The following OPN5 variants were observed in gnomAD, a reference collection of about 807,000 sequenced individuals.
OPN5 encodes opsin 5.
In OPN5, 18 loss-of-function variants were observed where a neutral mutation model predicts 41.7. That is an observed-to-expected ratio of 0.43 (90% confidence interval 0.30 to 0.64). The LOEUF is 0.64. Ranked by LOEUF, OPN5 falls within the 30% of genes least tolerant of loss-of-function variation. OPN5 has a pLI of 0.13. For synonymous variants in OPN5, 178 were observed against 164.3 expected (o/e 1.08, Z -0.64); for missense variants, 318 against 434.5 (o/e 0.73, Z 2.38).
At chr6:47,818,368 A>G (rs1762494434) in intron 6 of OPN5, among the ~76,000 whole-genome samples, 2 of 152,196 alleles carry the variant, frequency 1.3e-5, no homozygotes, top group Non-Finnish European at 2.9e-5. Flanking sequence ...GACTTAAATG[A>G]TTGGAAGTCA....
At chr6:47,807,564 TG>T (rs1774021674) in intron 4 of OPN5, among the ~76,000 whole-genome samples, 1 of 152,208 alleles carries the variant, frequency 6.6e-6, no homozygotes, top group Admixed American at 6.5e-5. Context: ...GAAAAAGTCT[TG>T]TTCCATACAA....
chr6:47,791,672 T>C, intron 2 of OPN5, 130 bp from the exon 3 acceptor site: 2 of 670,210 alleles, frequency 3.0e-6, no homozygotes, highest in East Asian at 2.6e-5. Context: ...AGGAAATCTG[T>C]GTAATCAAGG....
intron 1 of OPN5, among the ~76,000 whole-genome samples, 155 bp downstream of exon 1, chr6:47,782,351 A>C (rs1040439931): frequency 1.1e-4 from 16 of 152,212 alleles, no homozygotes; most frequent in African/African-American, 3.6e-4. Flanking sequence ...TATGGCATTC[A>C]ATAAATGTTT....
intron 6 of OPN5, among the ~76,000 whole-genome samples, chr6:47,813,082 A>G (rs1205127169): frequency 1.0e-5 from 1 of 100,254 alleles, no homozygotes; most frequent in African/African-American, 3.7e-5. Context: ...AACAACAACA[A>G]CAACAACAAC....
intron 4 of OPN5, among the ~76,000 whole-genome samples, chr6:47,799,906 C>T (rs1314499760): frequency 6.6e-6 from 1 of 152,172 alleles, no homozygotes; most frequent in Non-Finnish European, 1.5e-5. Flanking sequence ...TCTTAATGCC[C>T]TGAGTCCTTT....
chr6:47,783,806 C>T (rs572726879), intron 1 of OPN5, among the ~76,000 whole-genome samples: 83 of 152,258 alleles, frequency 5.5e-4, no homozygotes, highest in African/African-American at 2.0e-3. Context: ...TTTCAATTAA[C>T]AGAAAAGGCA....
intron 5 of OPN5, among the ~76,000 whole-genome samples, chr6:47,809,327 C>T (rs143733814): frequency 1.2e-3 from 183 of 152,172 alleles, no homozygotes; most frequent in African/African-American, 4.2e-3. Flanking sequence ...GGACAGTAGA[C>T]AAAAAAGTAG....
intron 6 of OPN5, among the ~76,000 whole-genome samples, chr6:47,815,945 C>G (rs894432338): frequency 6.6e-6 from 1 of 152,006 alleles, no homozygotes; most frequent in Non-Finnish European, 1.5e-5. Context: ...TACTTTGAAC[C>G]CTCTTTCCTT....
At chr6:47,799,870 C>T (rs1199640128) in intron 4 of OPN5, among the ~76,000 whole-genome samples, 1 of 152,150 alleles carries the variant, frequency 6.6e-6, no homozygotes, top group Non-Finnish European at 1.5e-5. Flanking sequence ...TTTCCATGTA[C>T]ATCCTCTAAA....
chr6:47,818,908 G>A (rs1045342430), intron 6 of OPN5, among the ~76,000 whole-genome samples: 3 of 152,092 alleles, frequency 2.0e-5, no homozygotes, highest in African/African-American at 7.2e-5. Flanking sequence ...GAGGAAATGT[G>A]AGTGTCTGAG....
At chr6:47,811,997 A>G in intron 6 of OPN5, 1 of 261,110 alleles carries the variant, frequency 3.8e-6, no homozygotes, top group Non-Finnish European at 7.2e-6. Context: ...GTCATGCCAA[A>G]CAGAATTGAA....
chr6:47,809,423 A>G (rs1367624026), intron 5 of OPN5, among the ~76,000 whole-genome samples: 3 of 152,208 alleles, frequency 2.0e-5, no homozygotes, highest in African/African-American at 7.2e-5. Context: ...TAGGTTCCTC[A>G]CCACGGGTCA....
chr6:47,807,948 A>G (rs1774039990), intron 4 of OPN5, among the ~76,000 whole-genome samples: 1 of 150,792 alleles, frequency 6.6e-6, no homozygotes, highest in Non-Finnish European at 1.5e-5. Flanking sequence ...GGATGTGGTA[A>G]ATGGGATAAA....
chr6:47,806,246 A>G (rs1262700310), intron 4 of OPN5, among the ~76,000 whole-genome samples: 1 of 152,250 alleles, frequency 6.6e-6, no homozygotes, highest in East Asian at 1.9e-4. Flanking sequence ...TTTCAAATTT[A>G]TTTTACAGAA....
downstream of OPN5, chr6:47,824,762 G>A (rs1036749627): frequency 6.6e-5 from 10 of 151,948 alleles, no homozygotes; most frequent in Non-Finnish European, 1.2e-4. Flanking sequence ...AAAGCTCCTC[G>A]GGATGCTTCC....
chr6:47,813,194 G>C (rs1300613577), intron 6 of OPN5, among the ~76,000 whole-genome samples: 1 of 152,146 alleles, frequency 6.6e-6, no homozygotes, highest in Admixed American at 6.6e-5. Context: ...TTAGAATAGA[G>C]AGGCAAGGAA....
In OPN5 at chr6:47,786,665, G is replaced by A. The variant is rs748617041; in HGVS notation, c.250+31G>A. ...ACAACCATGCTGTGTTTTCTTTGTGGGTTTAAACTACTCCCCATTCTAAAG... is the reference window on the plus strand; with the variant it reads ...ACAACCATGCTGTGTTTTCTTTGTGAGTTTAAACTACTCCCCATTCTAAAG... On this transcript the variant is annotated intron_variant, in intron 2 of 6. Coordinates refer to ENST00000371211, the Ensembl canonical transcript of OPN5. 8 of 1,603,754 alleles carry A rather than the reference G, an allele frequency of 5.0e-6. No homozygotes were observed. The East Asian group carries it at 8.9e-5, about 18-fold the overall frequency.
intron 4 of OPN5, among the ~76,000 whole-genome samples, chr6:47,800,285 C>G (rs1279814748): frequency 6.6e-6 from 1 of 152,122 alleles, no homozygotes; most frequent in Non-Finnish European, 1.5e-5. Flanking sequence ...TGAGGGGTAT[C>G]TCAAAGGCTG....
chr6:47,796,834 G>T (rs1035362852), intron 4 of OPN5, among the ~76,000 whole-genome samples: 15 of 152,140 alleles, frequency 9.9e-5, no homozygotes, highest in African/African-American at 3.6e-4. Flanking sequence ...CTATCACACT[G>T]CTAATGAAGA....
Sources: allele counts gnomAD v4.1 joint callset (sites outside exome capture counted in the v4.1 genomes callset), GRCh38; gene constraint gnomAD v4.1.1; transcripts MANE v1.5; gene names NCBI Gene and HGNC (gene_info 2026-07-23, HGNC 2026-07-21).